Variants in SRRM3 observed in about 807,000 individuals in gnomAD.
SRRM3 encodes the protein serine/arginine repetitive matrix protein 3.
A neutral mutation model predicts 66.2 loss-of-function variants in SRRM3; 27 were observed. The ratio of observed to expected loss-of-function variants is 0.41; its 90% CI spans 0.30 to 0.56. SRRM3 has a LOEUF of 0.56. Among genes scored for constraint, SRRM3 ranks in the 20% least tolerant of loss-of-function variants. SRRM3 has a pLI of 0.32. For missense variants in SRRM3, 918 were observed against 991.9 expected (o/e 0.93, Z 1.00); for synonymous variants, 391 against 414.9 (o/e 0.94, Z 0.70).
intron 8 of SRRM3, among the ~76,000 whole-genome samples, chr7:76,263,562 CA>C (rs1801932458): frequency 6.6e-6 from 1 of 151,998 alleles, no homozygotes. Context: ...AGATGTCATT[CA>C]AAAGCAGGGA....
intron 2 of SRRM3, among the ~76,000 whole-genome samples, chr7:76,247,442 C>T (rs556978864): frequency 4.6e-5 from 7 of 151,952 alleles, no homozygotes; most frequent in Non-Finnish European, 1.0e-4. Flanking sequence ...GTCATGGAGG[C>T]CAGGAAGGCA....
chr7:76,261,306 C>G (rs369151212), intron 6 of SRRM3, 46 bp from the exon 7 acceptor site: 3 of 320,564 alleles, frequency 9.4e-6, no homozygotes, highest in Non-Finnish European at 1.8e-5. Context: ...TCCAGCCCCC[C>G]ACCCCCCACC....
chr7:76,245,202 A>AT (rs1291316003), intron 2 of SRRM3, among the ~76,000 whole-genome samples: 2 of 152,052 alleles, frequency 1.3e-5, no homozygotes, highest in Admixed American at 6.6e-5. Flanking sequence ...GCATGTGTTC[A>AT]TTTTTTTTAA....
At chr7:76,225,783 T>A (rs1444326182) in intron 1 of SRRM3, among the ~76,000 whole-genome samples, 3 of 152,098 alleles carry the variant, frequency 2.0e-5, no homozygotes, top group African/African-American at 7.2e-5. Flanking sequence ...CTAGGTACTG[T>A]GAGGGCATTT....
chr7:76,227,263 C>G (rs1303847210), intron 1 of SRRM3, among the ~76,000 whole-genome samples: 5 of 152,172 alleles, frequency 3.3e-5, no homozygotes, highest in African/African-American at 1.2e-4. Context: ...GTGTCAATGC[C>G]CCCAAAGACC....
intron 2 of SRRM3, among the ~76,000 whole-genome samples, chr7:76,238,075 C>T (rs1394111526): frequency 1.3e-5 from 2 of 151,946 alleles, no homozygotes; most frequent in African/African-American, 2.4e-5. Flanking sequence ...TGGCCCTCCC[C>T]CTGCCCTCCC....
rs782277950 is a variant in SRRM3, at chr7:76,260,210, C to A, written c.545+13C>A. On this transcript the variant is annotated intron_variant, in intron 5 of 14. Transcript: ENST00000611745. ...ACCGGAGAAGCCGGTGAGAACCGCG[C>A]CTGACCGGAGCGGGAAGGGAGGAGG... The A allele has an allele frequency of 6.5e-7, 1 of 1,526,842 alleles. No homozygotes were observed. Among genetic ancestry groups the A allele is most frequent in the Non-Finnish European group, 8.8e-7 (1 of 1,139,218 alleles). 94.6% of individuals were successfully genotyped at this position (1,526,842 alleles called of 1,614,324 possible).
chr7:76,265,386 C>A lies in SRRM3; in HGVS notation c.748C>A (p.Arg250=). 8 of 1,601,668 alleles carry A rather than the reference C, an allele frequency of 5.0e-6. No individual in the cohort carries two copies. Among genetic ancestry groups the A allele is most frequent in the Non-Finnish European group, 6.8e-6 (8 of 1,174,654 alleles). ...CAGGCCTCACACAGAGTCCCCAGGC[C>A]GGAGGTCTCATCGCCATAGCAGTGG... ...KKRPHTESPG[R]RSHRHSSGSS... Residue 250 remains arginine (R), a synonymous_variant, in exon 10 of 15, where the codon CGG becomes AGG. Coordinates refer to ENST00000611745, the MANE Select transcript of SRRM3 (RefSeq NM_001110199.3).
Position 76,235,065 on chromosome 7 carries a change from C to T in SRRM3, c.-2C>T, listed in dbSNP as rs1583891156. On this transcript the variant is annotated 5_prime_UTR_variant, in exon 2 of 15. In the 5' UTR this introduces an upstream ATG that the reference lacks. Transcript: ENST00000611745. ...AGGCCAGCGGCTCCAGGGCCAGCCA[C>T]GATGTCCTCCACCGTGAACAACGGG... 1 of 1,569,018 alleles carries T rather than the reference C, an allele frequency of 6.4e-7. No homozygotes were observed. Among genetic ancestry groups the T allele is most frequent in the Non-Finnish European group, 8.6e-7 (1 of 1,162,314 alleles).
intron 12 of SRRM3, 62 bp from the exon 13 acceptor site, chr7:76,282,585 TC>T: frequency 9.7e-6 from 1 of 102,782 alleles, no homozygotes; most frequent in Non-Finnish European, 1.5e-5. Context: ...CAGGGAACCC[TC>T]CCCGCCCCCA....
At chr7:76,260,252 C>T (rs1368626570) in intron 5 of SRRM3, 55 bp downstream of exon 5, 4 of 1,359,268 alleles carry the variant, frequency 2.9e-6, no homozygotes, top group African/African-American at 3.1e-5. Context: ...GGTCTCTCCC[C>T]GGATGCCCGT....
intron 1 of SRRM3, 144 bp from the exon 2 acceptor site, chr7:76,234,884 G>A (rs142071084): frequency 1.7e-5 from 10 of 594,164 alleles, no homozygotes; most frequent in Admixed American, 6.7e-5. Flanking sequence ...CAAACCAGCC[G>A]TCCGCTTCCC....
At chr7:76,203,001 G>C (rs899413189) in intron 1 of SRRM3, among the ~76,000 whole-genome samples, 5 of 152,276 alleles carry the variant, frequency 3.3e-5, no homozygotes, top group African/African-American at 1.2e-4. Context: ...CCTAGCATCG[G>C]GGGCTTGAGC....
At position 76,285,631 on chromosome 7, in the gene SRRM3, A is replaced by G. The variant is rs1802644253; in HGVS notation, c.1750A>G (p.Ile584Val). Residue 584 changes from isoleucine to valine, a missense_variant, in exon 15 of 15, where the codon ATT (isoleucine) becomes GTT (valine). Ile to Val is a conservative substitution (Grantham distance 29, BLOSUM62 3). Coordinates refer to ENST00000611745, the MANE Select transcript of SRRM3 (RefSeq NM_001110199.3). The surrounding 1 kb of genome is among the most constrained non-coding windows in gnomAD (Gnocchi z 4.1). ...TCCCGGCAGCGCCCGCAAGCGTCCT[A>G]TTCCATACTACCGGCCCAGCCCCTC... ...RRITSARKRPIPYYRPSPSSS... is the reference protein window; with the variant it reads ...RRITSARKRPVPYYRPSPSSS... 1 of 1,550,638 alleles carries G rather than the reference A, an allele frequency of 6.4e-7. No homozygotes were observed. Among genetic ancestry groups the G allele is most frequent in the South Asian group, 1.2e-5 (1 of 84,008 alleles).
chr7:76,253,228 CG>C (rs1310649311), intron 3 of SRRM3, among the ~76,000 whole-genome samples: 4 of 141,796 alleles, frequency 2.8e-5, no homozygotes, highest in Non-Finnish European at 6.2e-5. Flanking sequence ...GGCTCACGCC[CG>C]TAATCCCAGC....
rs576547863 is a variant in SRRM3, at chr7:76,239,964, G to T, written c.233+4665G>T. Among the ~76,000 whole-genome samples, 26 of 151,804 alleles carry T rather than the reference G, an allele frequency of 1.7e-4. 1 individual carries two copies. Among genetic ancestry groups the T allele is most frequent in the Admixed American group, 3.3e-4 (5 of 15,226 alleles). Reference sequence around the variant, plus strand: ...GGATCACCTGAGGTCAGGAGTTCGAGACCAGCCTGGCCAACATGATGAAAC... The same window carrying T: ...GGATCACCTGAGGTCAGGAGTTCGATACCAGCCTGGCCAACATGATGAAAC... On this transcript the variant is annotated intron_variant, in intron 2 of 14. Coordinates refer to ENST00000611745, the MANE Select transcript of SRRM3 (RefSeq NM_001110199.3).
chr7:76,272,405 A>C (rs1225237196), intron 11 of SRRM3, among the ~76,000 whole-genome samples: 2 of 151,896 alleles, frequency 1.3e-5, no homozygotes, highest in Admixed American at 6.6e-5. Flanking sequence ...CTACAAAAAA[A>C]AAATTTTTTT....
chr7:76,261,066 G>A (rs1038484945), intron 6 of SRRM3, among the ~76,000 whole-genome samples, 163 bp downstream of exon 6: 3 of 152,116 alleles, frequency 2.0e-5, no homozygotes, highest in Non-Finnish European at 2.9e-5. Flanking sequence ...GAATCCCACC[G>A]TTGGAGCCTC....
At chr7:76,207,699 C>CAATA (rs112873033) in intron 1 of SRRM3, among the ~76,000 whole-genome samples, 4,022 of 151,256 alleles carry the variant, frequency 0.027, 71 homozygotes, top group African/African-American at 0.044. Flanking sequence ...CCATCTCTAC[C>CAATA]AATAAATAAA....
Sources: gnomAD v4.1 joint callset for allele counts (sites outside exome capture counted in the v4.1 genomes callset) on GRCh38, gnomAD v4.1.1 for gene constraint, Gnocchi (gnomAD v3.1) non-coding constraint, MANE v1.5 for transcripts, NCBI Gene and HGNC (gene_info 2026-07-23, HGNC 2026-07-21) for gene names.